Variants in TSNARE1 observed in about 807,000 individuals in gnomAD.
TSNARE1 encodes t-SNARE domain-containing protein 1.
TSNARE1 carries 49 observed loss-of-function variants against 62.0 expected under a neutral mutation model. That is an observed-to-expected ratio of 0.79 (90% CI 0.63 to 1.00). TSNARE1 has a LOEUF of 1.00. TSNARE1 is among the 50% of genes least tolerant of loss of function. The probability of loss-of-function intolerance (pLI) is 0.00; values close to 1 mark genes in which losing one functional copy is unlikely to be tolerated. For synonymous variants in TSNARE1, 328 were observed against 294.4 expected (o/e 1.11, Z -1.17); for missense variants, 755 against 700.1 (o/e 1.08, Z -0.88).
At chr8:142,271,578 T>A (rs1381623949) in intron 12 of TSNARE1, 6 of 1,404,258 alleles carry the variant, frequency 4.3e-6, no homozygotes, top group Non-Finnish European at 5.5e-6. Flanking sequence ...GGTGAGGAGG[T>A]GGGTGCGTGG....
intron 11 of TSNARE1, chr8:142,278,900 TC>T: frequency 1.4e-6 from 1 of 701,732 alleles, no homozygotes; most frequent in Non-Finnish European, 1.8e-6. Flanking sequence ...GGGCCCAGGC[TC>T]CTCCCTGGCT....
intron 11 of TSNARE1, chr8:142,280,261 AGGGCTGCCGCGGCCGGCTCG>A (rs1821199409): frequency 1.0e-6 from 1 of 985,168 alleles, no homozygotes; most frequent in Non-Finnish European, 1.2e-6. Context: ...ACCCAGCAGC[AGGGCTGCCGCGGCCGGCTCG>A]GGGCTGCAGC....
chr8:142,342,136 G>A (rs1057376448), intron 4 of TSNARE1, among the ~76,000 whole-genome samples: 9 of 152,196 alleles, frequency 5.9e-5, no homozygotes, highest in African/African-American at 1.7e-4. Flanking sequence ...GCTCCCCCAC[G>A]GCCCCCAACT....
chr8:142,344,249 C>A lies in TSNARE1; in HGVS notation c.462G>T (p.Lys154Asn). 1 of 1,611,358 alleles carries A rather than the reference C, an allele frequency of 6.2e-7. No homozygotes were observed. Among genetic ancestry groups the A allele is most frequent in the Non-Finnish European group, 8.5e-7 (1 of 1,178,158 alleles). The change falls in exon 4 of 14, where the codon AAG (lysine) becomes AAT (asparagine). Residue 154 changes from lysine to asparagine, a missense_variant. Physicochemically the swap from Lys to Asn is moderately conservative, Grantham distance 94. Transcript: ENST00000524325. ...HQLLFGTGLL[K>N]AEPTRRYRVW... Reference sequence around the variant, plus strand: ...CGCGGTACCTGCGAGTGGGCTCGGCCTTCAGCAGCCCCGTGCCAAACAGCA... The same window carrying A: ...CGCGGTACCTGCGAGTGGGCTCGGCATTCAGCAGCCCCGTGCCAAACAGCA...
At chr8:142,263,039 TC>T (rs1410934233) in intron 12 of TSNARE1, among the ~76,000 whole-genome samples, 1 of 152,224 alleles carries the variant, frequency 6.6e-6, no homozygotes, top group Non-Finnish European at 1.5e-5. Flanking sequence ...TCTTTTCCAG[TC>T]TTTACATATG....
At chr8:142,300,782 C>T (rs72687374) in intron 9 of TSNARE1, 138 bp from the exon 10 acceptor site, 246,584 of 1,102,640 alleles carry the variant, frequency 0.22, 29,954 homozygotes, top group South Asian at 0.29. Context: ...GGGTCTGAGG[C>T]GGGGGCCTTC....
chr8:142,276,133 G>A, intron 11 of TSNARE1: 1 of 985,410 alleles, frequency 1.0e-6, no homozygotes, highest in Non-Finnish European at 1.2e-6. Flanking sequence ...GCCGCATCTG[G>A]GGGCTCCTGC....
Position 142,354,658 on chromosome 8 carries a change from T to C in TSNARE1, c.67A>G (p.Arg23Gly), listed in dbSNP as rs1407520194. Residue 23 changes from arginine (R) to glycine (G), a missense_variant, in exon 2 of 14, where the codon AGA (arginine) becomes GGA (glycine). Arg to Gly is a moderately radical substitution (Grantham distance 125). Transcript: ENST00000524325. ...GSRGPFGGPS[R>G]QGCQPLECAR... ...TTACCTAGGGGCTGACAGCCTTGTCTCGAAGGTCCCCCGAAAGGGCCACGG... is the reference window on the plus strand; with the variant it reads ...TTACCTAGGGGCTGACAGCCTTGTCCCGAAGGTCCCCCGAAAGGGCCACGG... 1.2e-6 allele frequency: 2 copies of C among 1,612,960 alleles called. No individual in the cohort carries two copies. Among genetic ancestry groups the C allele is most frequent in the Non-Finnish European group, 1.7e-6 (2 of 1,179,646 alleles).
intron 10 of TSNARE1, among the ~76,000 whole-genome samples, chr8:142,293,819 G>A (rs578061074): frequency 6.6e-6 from 1 of 152,210 alleles, no homozygotes. Context: ...ACACTGCAGG[G>A]ATGCATTTCA....
chr8:142,222,692 TCACTCATC>T (rs1563755789), intron 13 of TSNARE1, among the ~76,000 whole-genome samples: 1 of 110,690 alleles, frequency 9.0e-6, no homozygotes, highest in African/African-American at 3.8e-5. Context: ...ATCCACTCAC[TCACTCATC>T]CACTCACTCA....
At chr8:142,279,852 CCACTT>C in intron 11 of TSNARE1, 3 of 1,029,512 alleles carry the variant, frequency 2.9e-6, no homozygotes, top group Non-Finnish European at 3.5e-6. Flanking sequence ...TGGGGAAGGC[CCACTT>C]ACTTGGCAGG....
intron 4 of TSNARE1, among the ~76,000 whole-genome samples, chr8:142,341,052 G>A (rs562796342): frequency 3.3e-5 from 5 of 152,218 alleles, no homozygotes; most frequent in African/African-American, 7.2e-5. Context: ...TGCAGAGCCC[G>A]CCTGGGTCGG....
chr8:142,314,031 G>T lies in TSNARE1; in HGVS notation c.1131+353C>A, dbSNP rs954960541. ...TGACCTCAGGTGATCCGCCCACCTC[G>T]GCCTCCCACAGTGCTGGGACTCCAG... is the stretch of plus-strand genomic sequence containing the variant. On this transcript the variant is annotated intron_variant, in intron 9 of 13. Coordinates refer to ENST00000524325, the MANE Select transcript of TSNARE1 (RefSeq NM_145003.5). Among the ~76,000 whole-genome samples, 11 of 152,158 alleles carry T rather than the reference G, an allele frequency of 7.2e-5. No homozygotes were observed. In the East Asian group the frequency reaches 1.2e-3, roughly 16 times the overall value.
intron 4 of TSNARE1, 147 bp downstream of exon 4, chr8:142,343,819 A>AGGAGGAGGGGAGG (rs1832965701): frequency 1.5e-5 from 5 of 330,618 alleles, no homozygotes; most frequent in African/African-American, 1.9e-4. Flanking sequence ...AGGAGGGGAG[A>AGGAGGAGGGGAGG]GGAGGAGGGG....
intron 4 of TSNARE1, among the ~76,000 whole-genome samples, chr8:142,343,565 C>G (rs770959220): frequency 5.9e-5 from 9 of 151,656 alleles, no homozygotes; most frequent in Non-Finnish European, 1.0e-4. Context: ...CAGCTCCGCT[C>G]TAGGACGCGG....
At chr8:142,294,419 C>T (rs1301737365) in intron 10 of TSNARE1, among the ~76,000 whole-genome samples, 3 of 152,230 alleles carry the variant, frequency 2.0e-5, no homozygotes, top group Non-Finnish European at 4.4e-5. Context: ...ATCTCAAGGG[C>T]CTTCTCATTC....
intron 12 of TSNARE1, among the ~76,000 whole-genome samples, chr8:142,251,041 C>G (rs151265702): frequency 1.3e-5 from 2 of 152,336 alleles, no homozygotes; most frequent in Non-Finnish European, 2.9e-5. Context: ...GAGCTCAGAG[C>G]TCTGGTGCAG....
chr8:142,398,021 A>T (rs1418844411), intron 1 of TSNARE1, among the ~76,000 whole-genome samples: 1 of 152,082 alleles, frequency 6.6e-6, no homozygotes, highest in East Asian at 1.9e-4. Context: ...CTGCCTCCCA[A>T]GACCCTCACA....
intron 13 of TSNARE1, among the ~76,000 whole-genome samples, chr8:142,219,183 G>T (rs1816087363): frequency 6.6e-6 from 1 of 152,200 alleles, no homozygotes; most frequent in Non-Finnish European, 1.5e-5. Flanking sequence ...TCTGCTAAGA[G>T]GGGAACCCTG....
Sources: gnomAD v4.1 joint callset for allele counts (sites outside exome capture counted in the v4.1 genomes callset) on GRCh38, gnomAD v4.1.1 for gene constraint, MANE v1.5 for transcripts, NCBI Gene and HGNC (gene_info 2026-07-23, HGNC 2026-07-21) for gene names.